The following CACNA2D3 variants were observed in gnomAD, a reference collection of about 807,000 sequenced individuals.
CACNA2D3 encodes the protein calcium voltage-gated channel auxiliary subunit alpha2delta 3.
CACNA2D3 carries 60 observed loss-of-function variants against 160.6 expected under a neutral mutation model. The observed-to-expected ratio is 0.37, with a 90% CI of 0.30 to 0.46. CACNA2D3 has a LOEUF of 0.46. Ranked by LOEUF, CACNA2D3 falls within the 20% of genes least tolerant of loss-of-function variation. The pLI, the probability that CACNA2D3 is intolerant of heterozygous loss-of-function variation, is 1.00. For synonymous variants in CACNA2D3, 558 were observed against 492.9 expected (o/e 1.13, Z -1.75); for missense variants, 1,205 against 1,365.0 (o/e 0.88, Z 1.85).
chr3:54,832,711 A>T (rs963224191), intron 14 of CACNA2D3, among the ~76,000 whole-genome samples: 1 of 152,184 alleles, frequency 6.6e-6, no homozygotes, highest in Admixed American at 6.5e-5. Context: ...TGCCATTCCC[A>T]GCTAGTTCTT....
At chr3:54,497,590 TTTTG>T (rs1219226221) in intron 4 of CACNA2D3, among the ~76,000 whole-genome samples, 3 of 152,130 alleles carry the variant, frequency 2.0e-5, no homozygotes, top group Non-Finnish European at 2.9e-5. Flanking sequence ...TACCTATGGC[TTTTG>T]TTTATTTATT....
intron 3 of CACNA2D3, among the ~76,000 whole-genome samples, chr3:54,377,585 C>G (rs755545485): frequency 6.6e-6 from 1 of 152,216 alleles, no homozygotes; most frequent in East Asian, 1.9e-4. Flanking sequence ...GATTCACACA[C>G]TGAGGTACAG....
intron 2 of CACNA2D3, among the ~76,000 whole-genome samples, chr3:54,309,412 A>G (rs1172926485): frequency 1.3e-5 from 2 of 152,236 alleles, no homozygotes; most frequent in Admixed American, 1.3e-4. Context: ...TGAACAGGAA[A>G]AGCTTATGCA....
intron 17 of CACNA2D3, among the ~76,000 whole-genome samples, chr3:54,846,989 TTC>T (rs1201744525): frequency 4.6e-5 from 7 of 152,272 alleles, no homozygotes; most frequent in East Asian, 1.9e-4. Context: ...GCTGAGATTT[TTC>T]TCTGTTTCCT....
chr3:54,522,801 C>T (rs139612597), intron 5 of CACNA2D3, among the ~76,000 whole-genome samples: 14 of 152,244 alleles, frequency 9.2e-5, no homozygotes, highest in African/African-American at 3.4e-4. Flanking sequence ...AGGGCAGAGA[C>T]CTCATGACCT....
chr3:54,800,376 G>A (rs565146288), intron 13 of CACNA2D3, among the ~76,000 whole-genome samples: 1 of 152,314 alleles, frequency 6.6e-6, no homozygotes, highest in Non-Finnish European at 1.5e-5. Context: ...TTCTCACAGA[G>A]AACTGGCAGA....
chr3:54,786,677 A>G (rs983602897), intron 13 of CACNA2D3, among the ~76,000 whole-genome samples: 5 of 152,348 alleles, frequency 3.3e-5, no homozygotes, highest in Non-Finnish European at 5.9e-5. Context: ...AAAAACTGTG[A>G]ATGTAATGCA....
At chr3:54,531,129 G>A (rs373887726) in intron 5 of CACNA2D3, among the ~76,000 whole-genome samples, 2 of 152,256 alleles carry the variant, frequency 1.3e-5, no homozygotes, top group Admixed American at 6.5e-5. Context: ...TGTGCTGGTC[G>A]AGGATGGATT....
intron 11 of CACNA2D3, among the ~76,000 whole-genome samples, chr3:54,746,276 G>T (rs1177536713): frequency 6.6e-6 from 1 of 152,126 alleles, no homozygotes; most frequent in African/African-American, 2.4e-5. Context: ...CTCTGTACCA[G>T]AAATCATAGA....
At chr3:54,737,224 G>T (rs754459170) in intron 11 of CACNA2D3, among the ~76,000 whole-genome samples, 6 of 149,800 alleles carry the variant, frequency 4.0e-5, no homozygotes, top group Non-Finnish European at 8.9e-5. Flanking sequence ...GTGTGTGTAG[G>T]GAACAGAATA....
intron 4 of CACNA2D3, among the ~76,000 whole-genome samples, chr3:54,467,900 T>G (rs929964769): frequency 2.0e-5 from 3 of 152,220 alleles, no homozygotes; most frequent in African/African-American, 7.2e-5. Flanking sequence ...AAAGAAATGA[T>G]GAATGTTTGA....
At chr3:54,242,916 G>A (rs1314972266) in intron 2 of CACNA2D3, among the ~76,000 whole-genome samples, 1 of 152,208 alleles carries the variant, frequency 6.6e-6, no homozygotes, top group Admixed American at 6.5e-5. Context: ...GCTCAGGCAA[G>A]CAGGGAATTT....
intron 4 of CACNA2D3, among the ~76,000 whole-genome samples, chr3:54,434,174 C>G (rs193075711): frequency 1.3e-5 from 2 of 152,324 alleles, no homozygotes; most frequent in Admixed American, 1.3e-4. Flanking sequence ...AGCCTCCACT[C>G]CTGCCCAGCA....
At chr3:54,452,105 G>A (rs1700316990) in intron 4 of CACNA2D3, among the ~76,000 whole-genome samples, 2 of 152,258 alleles carry the variant, frequency 1.3e-5, no homozygotes, top group South Asian at 4.2e-4. Flanking sequence ...CTGTTCTCAG[G>A]CTGCTAATAA....
At chr3:54,186,395 GAAGA>G (rs1700879617) in intron 2 of CACNA2D3, among the ~76,000 whole-genome samples, 1 of 152,216 alleles carries the variant, frequency 6.6e-6, no homozygotes, top group Non-Finnish European at 1.5e-5. Context: ...CATCTTGGGT[GAAGA>G]AAGAAAGAAA....
At chr3:54,811,049 G>C (rs775020104) in intron 13 of CACNA2D3, among the ~76,000 whole-genome samples, 4 of 152,090 alleles carry the variant, frequency 2.6e-5, no homozygotes, top group Non-Finnish European at 4.4e-5. Flanking sequence ...GGCTCTCGCT[G>C]TCCTCTGCCT....
intron 4 of CACNA2D3, among the ~76,000 whole-genome samples, chr3:54,403,862 T>C (rs1252844134): frequency 6.6e-6 from 1 of 152,108 alleles, no homozygotes; most frequent in Non-Finnish European, 1.5e-5. Context: ...TAAGAACAAT[T>C]ATATGCCAAG....
intron 4 of CACNA2D3, among the ~76,000 whole-genome samples, chr3:54,488,212 A>T (rs144116563): frequency 6.6e-6 from 1 of 152,054 alleles, no homozygotes. Context: ...TACCAATGGG[A>T]TGGGTTGCTT....
intron 2 of CACNA2D3, among the ~76,000 whole-genome samples, chr3:54,307,257 G>A (rs1486667300): frequency 6.6e-6 from 1 of 152,184 alleles, no homozygotes; most frequent in Non-Finnish European, 1.5e-5. Flanking sequence ...TGGTGACACT[G>A]AAATTTTTAG....
Sources: allele counts gnomAD v4.1 joint callset (sites outside exome capture counted in the v4.1 genomes callset), GRCh38; gene constraint gnomAD v4.1.1; transcripts MANE v1.5; gene names NCBI Gene and HGNC (gene_info 2026-07-23, HGNC 2026-07-21).